The following TPTE variants were observed in gnomAD, a reference collection of about 807,000 sequenced individuals.
TPTE encodes transmembrane phosphatase with tensin homology.
TPTE carries 59 observed loss-of-function variants against 84.1 expected under a neutral mutation model. The observed-to-expected ratio is 0.70, with a 90% CI of 0.57 to 0.87. The LOEUF (loss-of-function observed/expected upper bound fraction) is 0.87, where lower values mean the gene tolerates loss of function less well. Ranked by LOEUF, TPTE falls within the 40% of genes least tolerant of loss-of-function variation. The pLI is 0.00. For missense variants in TPTE, 382 were observed against 659.6 expected (o/e 0.58, Z 4.61); for synonymous variants, 130 against 223.5 (o/e 0.58, Z 3.73).
chr21:10,598,960 G>T (rs1362832761), intron 21 of TPTE, among the ~76,000 whole-genome samples: 1 of 152,300 alleles, frequency 6.6e-6, no homozygotes, highest in African/African-American at 2.4e-5. Flanking sequence ...TACTCTTAAA[G>T]GATGACCCGT....
At chr21:10,529,931 A>C (rs1401680274) in intron 3 of TPTE, among the ~76,000 whole-genome samples, 4 of 152,054 alleles carry the variant, frequency 2.6e-5, no homozygotes, top group African/African-American at 9.7e-5. Context: ...TTTTAAAAAA[A>C]GTAGTTTTTC....
chr21:10,600,769 C>T (rs1264592189), intron 21 of TPTE, among the ~76,000 whole-genome samples: 4 of 152,306 alleles, frequency 2.6e-5, no homozygotes, highest in African/African-American at 4.8e-5. Flanking sequence ...ATTGTGGGTG[C>T]CATTATTTCT....
chr21:10,551,179 C>A lies in TPTE; in HGVS notation c.174-1478C>A, dbSNP rs553581162. 2.0e-5 allele frequency among the ~76,000 whole-genome samples: 3 copies of A among 152,404 alleles called. No individual in the cohort carries two copies. In the East Asian group the frequency reaches 5.8e-4, roughly 29 times the overall value. ...ACTCATCATTTTTTCAGCAAACTGT[C>A]GCAAGGACAAAACACCAAACATCAC... is the stretch of plus-strand genomic sequence containing the variant. On this transcript the variant is annotated intron_variant, in intron 7 of 23. Transcript: ENST00000618007.
chr21:10,555,832 A>G (rs1159541244), intron 8 of TPTE, among the ~76,000 whole-genome samples: 12 of 152,304 alleles, frequency 7.9e-5, no homozygotes, highest in South Asian at 4.1e-4. Context: ...AGAAAACATA[A>G]TTATACCATT....
intron 19 of TPTE, among the ~76,000 whole-genome samples, chr21:10,593,844 A>C (rs957439099): frequency 6.6e-6 from 1 of 152,306 alleles, no homozygotes; most frequent in Non-Finnish European, 1.5e-5. Flanking sequence ...TTTTTCTTTA[A>C]GTGGTGGGAG....
chr21:10,577,804 ATCTT>A (rs572083017), intron 15 of TPTE, among the ~76,000 whole-genome samples: 64 of 152,318 alleles, frequency 4.2e-4, no homozygotes, highest in Non-Finnish European at 7.7e-4. Context: ...GTTTAGGAAA[ATCTT>A]TCTGTTTTTC....
At chr21:10,546,825 T>C (rs1383856855) in intron 7 of TPTE, among the ~76,000 whole-genome samples, 1 of 152,310 alleles carries the variant, frequency 6.6e-6, no homozygotes, top group Non-Finnish European at 1.5e-5. Flanking sequence ...CTAAAAGGTT[T>C]GTTCATGAGG....
chr21:10,556,041 CT>C (rs200209980), intron 8 of TPTE, among the ~76,000 whole-genome samples: 1,567 of 151,520 alleles, frequency 0.01, no homozygotes, highest in African/African-American at 0.032. Context: ...TCACCTGCTA[CT>C]TTTTTTTATT....
chr21:10,574,746 C>T (rs1341966775), intron 14 of TPTE, among the ~76,000 whole-genome samples: 2 of 152,310 alleles, frequency 1.3e-5, no homozygotes, highest in African/African-American at 4.8e-5. Flanking sequence ...GTGTGCAGTC[C>T]TGCCCGGGAA....
At chr21:10,587,504 A>G (rs1312028402) in intron 17 of TPTE, among the ~76,000 whole-genome samples, 12 of 152,176 alleles carry the variant, frequency 7.9e-5, no homozygotes, top group South Asian at 6.2e-4. Flanking sequence ...TTTGCTCAGG[A>G]TAATGACTTC....
chr21:10,536,355 A>G (rs934611298), intron 3 of TPTE, among the ~76,000 whole-genome samples: 4 of 152,424 alleles, frequency 2.6e-5, no homozygotes, highest in East Asian at 1.9e-4. Context: ...ATTGTAGAGT[A>G]ACTGTAGCTG....
At chr21:10,576,419 G>A in intron 14 of TPTE, 2 of 187,428 alleles carry the variant, frequency 1.1e-5, no homozygotes, top group Non-Finnish European at 1.2e-5. Context: ...GACAGGTCAG[G>A]CCATTGGATT....
In TPTE at chr21:10,542,297, T is replaced by TA. The variant is rs2074383121; in HGVS notation, c.66-96dup. ...ACTATACACATGAATAGTCAGAAAT[T>TA]AATTGGTTTCTGTCTAGAGTAATGA... On this transcript the variant is annotated intron_variant, in intron 5 of 23. Coordinates refer to ENST00000618007, the MANE Select transcript of TPTE (RefSeq NM_199261.4). 3 of 1,415,202 alleles carry TA rather than the reference T, an allele frequency of 2.1e-6. No homozygotes were observed. The Admixed American group carries it at 5.2e-5, about 24-fold the overall frequency. The allele number at this position is 1,415,202 out of a possible 1,614,324, so 87.7% of individuals were successfully genotyped here.
At chr21:10,605,208 A>G (rs1430748131) in intron 23 of TPTE, among the ~76,000 whole-genome samples, 1 of 152,310 alleles carries the variant, frequency 6.6e-6, no homozygotes, top group African/African-American at 2.4e-5. Flanking sequence ...GAGAGTCAGC[A>G]TGTGTTACTG....
intron 23 of TPTE, 71 bp from the exon 24 acceptor site, chr21:10,605,346 C>G: frequency 6.4e-7 from 1 of 1,560,302 alleles, no homozygotes; most frequent in Non-Finnish European, 8.7e-7. Flanking sequence ...CCAGCTCTAA[C>G]GTGGGTACCC....
At chr21:10,522,481 C>T (rs2073999908) in intron 1 of TPTE, among the ~76,000 whole-genome samples, 1 of 152,312 alleles carries the variant, frequency 6.6e-6, no homozygotes, top group Non-Finnish European at 1.5e-5. Context: ...GCGTAGGGTC[C>T]CCAGCGATGC....
At chr21:10,574,292 A>G (rs1203355160) in intron 14 of TPTE, among the ~76,000 whole-genome samples, 2 of 152,308 alleles carry the variant, frequency 1.3e-5, no homozygotes, top group African/African-American at 2.4e-5. Context: ...AGGTGGAAGG[A>G]GTACCTCTCT....
chr21:10,602,836 A>T (rs1165200931), intron 22 of TPTE: 1 of 517,972 alleles, frequency 1.9e-6, no homozygotes, highest in African/African-American at 1.9e-5. Flanking sequence ...AGCGAGAGAG[A>T]GGGAGGGACC....
chr21:10,546,478 T>C (rs1367883023), intron 7 of TPTE, among the ~76,000 whole-genome samples: 1 of 152,312 alleles, frequency 6.6e-6, no homozygotes, highest in Non-Finnish European at 1.5e-5. Flanking sequence ...TCTCTCACTT[T>C]AAACCAAAAG....
Sources: allele counts gnomAD v4.1 joint callset (sites outside exome capture counted in the v4.1 genomes callset), GRCh38; gene constraint gnomAD v4.1.1; transcripts MANE v1.5; gene names NCBI Gene and HGNC (gene_info 2026-07-23, HGNC 2026-07-21).